AGPS: variants seen among roughly 807,000 people sequenced by gnomAD.
The protein encoded by AGPS is alkyldihydroxyacetonephosphate synthase, peroxisomal.
Under a neutral mutation model 90.7 loss-of-function variants are expected in AGPS, and 26 were observed. The ratio of observed to expected loss-of-function variants is 0.29; its 90% CI spans 0.21 to 0.40. The LOEUF (loss-of-function observed/expected upper bound fraction) is 0.40, where lower values mean the gene tolerates loss of function less well. Among genes scored for constraint, AGPS ranks in the 10% least tolerant of loss-of-function variants. AGPS has a pLI of 1.00. For missense variants in AGPS, 540 were observed against 816.1 expected (o/e 0.66, Z 4.12); for synonymous variants, 294 against 285.3 (o/e 1.03, Z -0.31).
rs1035052217 is a variant in AGPS, at chr2:177,463,308, A to G, written c.996+1290A>G. Reference sequence around the variant, plus strand: ...CTCTTCTGTAAAATAGAATAATGATATTTGCTGCATAGAATTATTGTGAGG... The same window carrying G: ...CTCTTCTGTAAAATAGAATAATGATGTTTGCTGCATAGAATTATTGTGAGG... On this transcript the variant is annotated intron_variant, in intron 9 of 19. Coordinates refer to ENST00000264167, the MANE Select transcript of AGPS (RefSeq NM_003659.4). Among the ~76,000 whole-genome samples the G allele has an allele frequency of 6.0e-4, 91 of 152,292 alleles. No homozygotes were observed. In the Middle Eastern group the frequency reaches 0.01, roughly 17 times the overall value.
At chr2:177,447,896 C>G (rs759945298) in intron 8 of AGPS, among the ~76,000 whole-genome samples, 2 of 152,080 alleles carry the variant, frequency 1.3e-5, no homozygotes, top group African/African-American at 2.4e-5. Flanking sequence ...TAAAATGACA[C>G]AAATACAGTA....
At chr2:177,495,900 A>G (rs1319393646) in intron 12 of AGPS, among the ~76,000 whole-genome samples, 1 of 139,010 alleles carries the variant, frequency 7.2e-6, no homozygotes, top group East Asian at 2.1e-4. Context: ...CCTGGGTGAC[A>G]CAGTGAGACT....
At chr2:177,442,958 G>A (rs1048252054) in intron 7 of AGPS, among the ~76,000 whole-genome samples, 1 of 151,804 alleles carries the variant, frequency 6.6e-6, no homozygotes, top group East Asian at 1.9e-4. Context: ...TATGTTGATG[G>A]CTATTTTACC....
intron 1 of AGPS, among the ~76,000 whole-genome samples, chr2:177,397,918 C>G (rs1281014773): frequency 6.6e-6 from 1 of 152,116 alleles, no homozygotes; most frequent in Admixed American, 6.5e-5. Context: ...GTGGTTTCAG[C>G]TACTGGGGAG....
intron 19 of AGPS, among the ~76,000 whole-genome samples, chr2:177,527,676 A>G (rs548463699): frequency 6.0e-4 from 91 of 152,256 alleles, no homozygotes; most frequent in African/African-American, 2.0e-3. Flanking sequence ...CATTAAAGCT[A>G]TGTGTATAAG....
intron 12 of AGPS, among the ~76,000 whole-genome samples, chr2:177,497,106 A>G (rs1688434873): frequency 1.3e-5 from 2 of 152,054 alleles, no homozygotes; most frequent in African/African-American, 4.8e-5. Context: ...TCTGCAGGCA[A>G]AGATGTTAAT....
chr2:177,432,177 A>G lies in AGPS; in HGVS notation c.351-2150A>G, dbSNP rs114874561. Among the ~76,000 whole-genome samples, 1,033 of 152,224 alleles carry G rather than the reference A, an allele frequency of 6.8e-3. 11 individuals carry two copies. The highest frequency in any genetic ancestry group is 0.024 in the African/African-American group (980 of 41,538). On this transcript the variant is annotated intron_variant, in intron 2 of 19. Coordinates refer to ENST00000264167, the MANE Select transcript of AGPS (RefSeq NM_003659.4). Reference sequence around the variant, plus strand: ...TTTGTCCACAGAATTTTTTCTTTCCATGTAGAATGATTTCATTGGCCTTGA... The same window carrying G: ...TTTGTCCACAGAATTTTTTCTTTCCGTGTAGAATGATTTCATTGGCCTTGA...
intron 2 of AGPS, among the ~76,000 whole-genome samples, chr2:177,423,876 A>C (rs544029397): frequency 2.6e-4 from 39 of 152,184 alleles, no homozygotes; most frequent in Admixed American, 2.2e-3. Flanking sequence ...TCTAAGTATG[A>C]GTGAATTTAG....
In AGPS at chr2:177,453,269, C is replaced by CT. The variant is rs540709031; in HGVS notation, c.870+7656dup. Among the ~76,000 whole-genome samples the CT allele has an allele frequency of 2.6e-3, 376 of 144,546 alleles. 2 individuals are homozygous for CT. Among genetic ancestry groups the CT allele is most frequent in the Middle Eastern group, 3.6e-3 (1 of 280 alleles). The allele number at this position is 144,546 out of a possible 152,430, so 94.8% of individuals were successfully genotyped here. A position where few individuals can be genotyped will look rare whatever the true frequency, so the allele number is the denominator to read the frequency against. On this transcript the variant is annotated intron_variant, in intron 8 of 19. Transcript: ENST00000264167. The stretch of plus-strand genomic sequence containing the variant: ...AATATGCTTTTTCCCCCTCTGGCTA[C>CT]TTTTTTTTTTTTTCTTTGAGACAGA...
chr2:177,434,995 A>T (rs1686355732), intron 3 of AGPS, among the ~76,000 whole-genome samples: 1 of 40,182 alleles, frequency 2.5e-5, no homozygotes. Context: ...TTTAAACTGT[A>T]GGTATATATA....
intron 8 of AGPS, among the ~76,000 whole-genome samples, chr2:177,446,429 C>A (rs1023233264): frequency 6.6e-5 from 10 of 152,174 alleles, no homozygotes; most frequent in Admixed American, 6.5e-4. Context: ...GCGTGAGCCA[C>A]CACGCCTGGC....
intron 12 of AGPS, among the ~76,000 whole-genome samples, chr2:177,495,982 G>T (rs1405979220): frequency 6.8e-6 from 1 of 147,616 alleles, no homozygotes; most frequent in African/African-American, 2.5e-5. Flanking sequence ...TAATTATATT[G>T]TTAGGCAACA....
At chr2:177,413,972 C>T (rs934788145) in intron 1 of AGPS, among the ~76,000 whole-genome samples, 1 of 152,110 alleles carries the variant, frequency 6.6e-6, no homozygotes, top group Non-Finnish European at 1.5e-5. Flanking sequence ...AATGGCACCC[C>T]AAGAACCTGA....
chr2:177,465,584 A>G, intron 9 of AGPS, among the ~76,000 whole-genome samples: 1 of 152,218 alleles, frequency 6.6e-6, no homozygotes, highest in Non-Finnish European at 1.5e-5. Context: ...GAGTCTGGCC[A>G]CAGCGCACAG....
chr2:177,525,076 G>T (rs1397842272), intron 19 of AGPS, among the ~76,000 whole-genome samples: 1 of 152,036 alleles, frequency 6.6e-6, no homozygotes, highest in African/African-American at 2.4e-5. Flanking sequence ...CCTTTCATTT[G>T]ATGGTGGTTC....
intron 19 of AGPS, among the ~76,000 whole-genome samples, chr2:177,529,919 C>T (rs2079122107): frequency 6.6e-6 from 1 of 152,146 alleles, no homozygotes; most frequent in Admixed American, 6.5e-5. Flanking sequence ...ATAATGGTAC[C>T]TGTCTCATAT....
intron 11 of AGPS, among the ~76,000 whole-genome samples, chr2:177,487,239 A>ATTTTT (rs1366154021): frequency 3.3e-5 from 5 of 151,922 alleles, no homozygotes; most frequent in Admixed American, 3.3e-4. Flanking sequence ...GCCCTATGGT[A>ATTTTT]TTTTGAGAGG....
intron 1 of AGPS, among the ~76,000 whole-genome samples, chr2:177,416,837 T>C (rs535677767): frequency 1.3e-5 from 2 of 152,270 alleles, no homozygotes; most frequent in East Asian, 3.9e-4. Context: ...CCCGGTCTTG[T>C]TTTTTGAAAG....
At chr2:177,506,761 A>G (rs188017207) in intron 15 of AGPS, among the ~76,000 whole-genome samples, 1 of 152,014 alleles carries the variant, frequency 6.6e-6, no homozygotes, top group Admixed American at 6.5e-5. Context: ...AAGGTAATAG[A>G]TGATTGTAGA....
Sources: gnomAD v4.1 joint callset for allele counts (sites outside exome capture counted in the v4.1 genomes callset) on GRCh38, gnomAD v4.1.1 for gene constraint, MANE v1.5 for transcripts, NCBI Gene and HGNC (gene_info 2026-07-23, HGNC 2026-07-21) for gene names.